Variants in LETMD1 observed in about 807,000 individuals in gnomAD.
LETMD1 encodes LETM1 domain-containing protein 1.
In LETMD1, 30 loss-of-function variants were observed where a neutral mutation model predicts 43.9. That is an observed-to-expected ratio of 0.68 (90% CI 0.51 to 0.93). The LOEUF (loss-of-function observed/expected upper bound fraction) is 0.93. Ranked by LOEUF, LETMD1 falls within the 40% of genes least tolerant of loss-of-function variation. The pLI is 0.00. For synonymous variants in LETMD1, 176 were observed against 163.1 expected (o/e 1.08, Z -0.60); for missense variants, 413 against 447.7 (o/e 0.92, Z 0.70).
intron 2 of LETMD1, among the ~76,000 whole-genome samples, chr12:51,049,928 TA>T (rs1398640140): frequency 6.6e-6 from 1 of 152,248 alleles, no homozygotes; most frequent in Non-Finnish European, 1.5e-5. Flanking sequence ...AAATGTTACC[TA>T]ACAGTATTAT....
chr12:51,067,858 G>T, the LETMD1 span: 1 of 1,614,182 alleles, frequency 6.2e-7, no homozygotes, highest in Non-Finnish European at 8.5e-7. The surrounding 1 kb of genome is among the most constrained non-coding windows in gnomAD (Gnocchi z 4.1). Context: ...AGAGGCTGCA[G>T]GAAGAAGTAA....
Position 51,048,340 on chromosome 12 carries a change from C to G in LETMD1, c.-17C>G. On this transcript the variant is annotated 5_prime_UTR_variant, in exon 1 of 9. Coordinates refer to ENST00000262055, the MANE Select transcript of LETMD1 (RefSeq NM_015416.5). ...CCCAAAGACAACCTCTTCTCTCCCG[C>G]TTCTCTCGCTGTGAAGATGGCGCTC... The G allele has an allele frequency of 6.2e-7, 1 of 1,614,082 alleles. No individual in the cohort carries two copies. The highest frequency in any genetic ancestry group is 8.5e-7 in the Non-Finnish European group (1 of 1,179,988).
intron 7 of LETMD1, 118 bp from the exon 8 acceptor site, chr12:51,057,914 C>T (rs1948189964): frequency 7.4e-6 from 6 of 814,374 alleles, no homozygotes; most frequent in East Asian, 5.1e-5. Context: ...CACGAGCCAC[C>T]GTGCCCGGTG....
chr12:51,059,495 G>A lies in LETMD1; in HGVS notation c.*64G>A. On this transcript the variant is annotated 3_prime_UTR_variant, in exon 9 of 9. Coordinates refer to ENST00000262055, the MANE Select transcript of LETMD1 (RefSeq NM_015416.5). ...TAGTATAGCAGTGCAGGAACAAACA[G>A]CACTTGCCAGCAAAGTCTGTGTGTA... 7.1e-7 allele frequency: 1 copy of A among 1,403,258 alleles called. No homozygotes were observed. Among genetic ancestry groups the A allele is most frequent in the Admixed American group, 1.7e-5 (1 of 59,160 alleles). The allele number at this position is 1,403,258 out of a possible 1,614,324, so 86.9% of individuals were successfully genotyped here. A position where few individuals can be genotyped will look rare whatever the true frequency, so the allele number is the denominator to read the frequency against.
chr12:51,061,778 A>G (rs538506926), downstream of LETMD1: 11 of 152,324 alleles, frequency 7.2e-5, no homozygotes, highest in East Asian at 2.1e-3. Flanking sequence ...TACTTCCTAG[A>G]TTAAGCCGGA....
chr12:51,061,633 G>A (rs993258452), downstream of LETMD1: 1 of 152,546 alleles, frequency 6.6e-6, no homozygotes, highest in Admixed American at 6.5e-5. Context: ...TTAATGAAGG[G>A]GATGGACTTA....
downstream of LETMD1, chr12:51,064,033 G>T: frequency 1.2e-6 from 2 of 1,614,254 alleles, no homozygotes; most frequent in Non-Finnish European, 1.7e-6. Flanking sequence ...AAGACATTCA[G>T]ATCCTTCTCC....
At chr12:51,049,230 C>T (rs1415850046) in intron 2 of LETMD1, 45 bp downstream of exon 2, 1 of 1,559,136 alleles carries the variant, frequency 6.4e-7, no homozygotes, top group East Asian at 2.2e-5. Flanking sequence ...AGCTCTTGGG[C>T]AGGGTCAAAG....
chr12:51,048,224 T>C, upstream of LETMD1: 2 of 1,210,184 alleles, frequency 1.7e-6, no homozygotes, highest in Non-Finnish European at 2.4e-6. Flanking sequence ...TCTCCTGGCT[T>C]GTGCTGGAGC....
chr12:51,052,169 C>T lies in LETMD1; in HGVS notation c.352C>T (p.His118Tyr), dbSNP rs748527338. 1 of 1,613,980 alleles carries T rather than the reference C, an allele frequency of 6.2e-7. No individual in the cohort carries two copies. The highest frequency in any genetic ancestry group is 8.5e-7 in the Non-Finnish European group (1 of 1,179,836). Reference protein sequence around the residue: ...TNMWKHNIKFHQLPYREMEHL... With the variant: ...TNMWKHNIKFYQLPYREMEHL... ...TATGTGGAAGCACAATATAAAGTTT[C>T]ATCAACTTCCATACCGGGAGATGGA... The change falls in exon 3 of 9, where the codon CAT becomes TAT. Residue 118 changes from histidine (H) to tyrosine (Y), a missense_variant. Transcript: ENST00000262055.
intron 1 of LETMD1, 184 bp from the exon 2 acceptor site, chr12:51,048,850 T>C: frequency 1.6e-6 from 1 of 632,466 alleles, no homozygotes; most frequent in Non-Finnish European, 2.7e-6. Context: ...TGCCTGGCCT[T>C]TGCCTGATTT....
rs1947743477 is a variant in LETMD1 at position 51,056,407 on chromosome 12, C to G, written c.820C>G (p.His274Asp). 6.2e-7 allele frequency: 1 copy of G among 1,614,092 alleles called. No individual in the cohort carries two copies. The highest frequency in any genetic ancestry group is 1.3e-5 in the African/African-American group (1 of 74,926). The change falls in exon 7 of 9, where the codon CAT (histidine) becomes GAT (aspartate). Residue 274 changes from histidine (H) to aspartate (D), a missense_variant. By Grantham distance (81) the His-to-Asp change is moderately conservative. Coordinates refer to ENST00000262055, the MANE Select transcript of LETMD1 (RefSeq NM_015416.5). ...TTACCTGCCTCCTCCCTTGTTGAGA[C>G]ATCGTTTGAAGACTCATACAACTGT... is the stretch of plus-strand genomic sequence containing the variant. ...TSYLPPPLLR[H>D]RLKTHTTVIH...
At chr12:51,066,824 C>A in the LETMD1 span, among the ~76,000 whole-genome samples, 1 of 152,146 alleles carries the variant, frequency 6.6e-6, no homozygotes, top group Non-Finnish European at 1.5e-5. Context: ...CAGGCCCACA[C>A]CATTCCTCTG....
intron 4 of LETMD1, among the ~76,000 whole-genome samples, chr12:51,054,405 G>T (rs1358484100): frequency 6.6e-6 from 1 of 152,160 alleles, no homozygotes; most frequent in Non-Finnish European, 1.5e-5. Context: ...TCCATATAGG[G>T]TTGACAGAGG....
downstream of LETMD1, chr12:51,064,056 G>A: frequency 3.1e-6 from 5 of 1,614,220 alleles, no homozygotes; most frequent in Non-Finnish European, 4.2e-6. Context: ...TGGGAAAGAG[G>A]CTGAGCCTTC....
chr12:51,058,186 C>A, intron 8 of LETMD1, 58 bp downstream of exon 8: 2 of 1,098,738 alleles, frequency 1.8e-6, no homozygotes, highest in Non-Finnish European at 2.8e-6. Context: ...GTATTTTATT[C>A]TGAGGTCATT....
In LETMD1 at chr12:51,058,273, C is replaced by A. The variant is rs1024988238; in HGVS notation, c.1012+145C>A. On this transcript the variant is annotated intron_variant, in intron 8 of 8. Coordinates refer to ENST00000262055, the MANE Select transcript of LETMD1 (RefSeq NM_015416.5). ...GAAAGGGCACAAACTCACATGCCTA[C>A]TGCATGCCCGGCAGGTAACGAAGTA... 8 of 639,554 alleles carry A rather than the reference C, an allele frequency of 1.3e-5. No homozygotes were observed. In the Admixed American group the frequency reaches 1.9e-4, roughly 15 times the overall value. 39.6% of individuals were successfully genotyped at this position (639,554 alleles called of 1,614,324 possible). A position where few individuals can be genotyped will look rare whatever the true frequency, so the allele number is the denominator to read the frequency against.
the LETMD1 span, among the ~76,000 whole-genome samples, chr12:51,068,630 G>A: frequency 1.3e-5 from 2 of 151,946 alleles, no homozygotes; most frequent in Admixed American, 6.6e-5. Context: ...CAAACATACC[G>A]TCTATTTCCA....
At chr12:51,064,280 A>G, downstream of LETMD1, 1 of 1,612,856 alleles carries the variant, frequency 6.2e-7, no homozygotes, top group East Asian at 2.2e-5. Context: ...CTTCGGGGAC[A>G]GCCAGAGGCT....
Sources: gnomAD v4.1 joint callset for allele counts (sites outside exome capture counted in the v4.1 genomes callset) on GRCh38, gnomAD v4.1.1 for gene constraint, Gnocchi (gnomAD v3.1) non-coding constraint, MANE v1.5 for transcripts, NCBI Gene and HGNC (gene_info 2026-07-23, HGNC 2026-07-21) for gene names.